Variants in DTNA observed in about 807,000 individuals in gnomAD.
The protein encoded by DTNA is dystrobrevin alpha.
In DTNA, 43 loss-of-function variants were observed where a neutral mutation model predicts 100.7. The observed-to-expected ratio is 0.43, with a 90% CI of 0.33 to 0.55. The LOEUF (loss-of-function observed/expected upper bound fraction) is 0.55. Ranked by LOEUF, DTNA falls within the 20% of genes least tolerant of loss-of-function variation. The probability of loss-of-function intolerance (pLI) is 0.04; values close to 1 mark genes in which losing one functional copy is unlikely to be tolerated. For synonymous variants in DTNA, 349 were observed against 347.9 expected (o/e 1.00, Z -0.04); for missense variants, 798 against 953.9 (o/e 0.84, Z 2.15).
At chr18:34,752,092 T>C (rs936585356) in intron 1 of DTNA, among the ~76,000 whole-genome samples, 2 of 152,196 alleles carry the variant, frequency 1.3e-5, no homozygotes, top group African/African-American at 2.4e-5. Flanking sequence ...TCTTGTAAAA[T>C]CTAAGGTTGT....
At chr18:34,516,304 A>G (rs866575246) in intron 1 of DTNA, among the ~76,000 whole-genome samples, 1 of 152,164 alleles carries the variant, frequency 6.6e-6, no homozygotes, top group Non-Finnish European at 1.5e-5. Context: ...CAGAGATCAC[A>G]TGCTTCGAGG....
At chr18:34,885,691 A>C (rs1378631953) in intron 22 of DTNA, among the ~76,000 whole-genome samples, 2 of 152,250 alleles carry the variant, frequency 1.3e-5, no homozygotes, top group African/African-American at 4.8e-5. Flanking sequence ...ACTGGGATGT[A>C]GTTTTTAAAG....
At chr18:34,860,041 T>TTTTG (rs368883033) in intron 16 of DTNA, among the ~76,000 whole-genome samples, 47 of 151,748 alleles carry the variant, frequency 3.1e-4, no homozygotes, top group Non-Finnish European at 5.3e-4. Context: ...TTCTTTTTGT[T>TTTTG]TTTGTTTGTT....
chr18:34,828,807 T>C (rs1030969143), intron 10 of DTNA, among the ~76,000 whole-genome samples: 6 of 152,198 alleles, frequency 3.9e-5, no homozygotes, highest in Non-Finnish European at 8.8e-5. Flanking sequence ...AGGCCCTCAG[T>C]AACTTCCTTT....
At chr18:34,623,226 C>G (rs556076756) in intron 1 of DTNA, among the ~76,000 whole-genome samples, 1 of 151,976 alleles carries the variant, frequency 6.6e-6, no homozygotes, top group African/African-American at 2.4e-5. Flanking sequence ...AAAAAAGGAA[C>G]AAAAATCTGA....
At chr18:34,535,432 T>G (rs1407867544) in intron 1 of DTNA, among the ~76,000 whole-genome samples, 2 of 152,122 alleles carry the variant, frequency 1.3e-5, no homozygotes, top group African/African-American at 4.8e-5. Context: ...TTTTCTCCCA[T>G]TCTGTAGGCT....
intron 1 of DTNA, among the ~76,000 whole-genome samples, chr18:34,715,546 G>A (rs896474523): frequency 2.6e-5 from 4 of 151,546 alleles, no homozygotes; most frequent in African/African-American, 9.7e-5. Context: ...TTGTTTGGTG[G>A]AACATTTACT....
intron 8 of DTNA, among the ~76,000 whole-genome samples, chr18:34,820,418 T>A (rs1021023013): frequency 2.6e-5 from 4 of 152,080 alleles, no homozygotes; most frequent in African/African-American, 9.7e-5. Context: ...ATATAAAGAT[T>A]TTGATGATCT....
chr18:34,578,934 C>A (rs1236738565), intron 1 of DTNA, among the ~76,000 whole-genome samples: 1 of 151,936 alleles, frequency 6.6e-6, no homozygotes, highest in Non-Finnish European at 1.5e-5. Flanking sequence ...TATTTGTATT[C>A]TATTTGTCAC....
chr18:34,885,774 G>A (rs1823007097), intron 22 of DTNA, among the ~76,000 whole-genome samples: 1 of 152,154 alleles, frequency 6.6e-6, no homozygotes. Flanking sequence ...TATGTTCAGT[G>A]CTTTATAGCA....
chr18:34,518,442 T>G (rs2041859157), intron 1 of DTNA, among the ~76,000 whole-genome samples: 1 of 152,156 alleles, frequency 6.6e-6, no homozygotes, highest in Non-Finnish European at 1.5e-5. Flanking sequence ...CATTTGATAA[T>G]AATCCATTTT....
chr18:34,678,626 G>C (rs2077681808), intron 1 of DTNA, among the ~76,000 whole-genome samples: 1 of 152,134 alleles, frequency 6.6e-6, no homozygotes, highest in Non-Finnish European at 1.5e-5. Flanking sequence ...TGTTCACAGG[G>C]AGAAGCAAGG....
intron 1 of DTNA, among the ~76,000 whole-genome samples, chr18:34,588,686 A>AGTGTGTGTGTGTGCGTGTGTGTGT (rs1555632822): frequency 6.7e-6 from 1 of 149,556 alleles, no homozygotes; most frequent in African/African-American, 2.5e-5. Flanking sequence ...TGAATATTAT[A>AGTGTGTGTGTGTGCGTGTGTGTGT]GTGTGTGTGT....
chr18:34,614,395 T>C (rs1018880810), intron 1 of DTNA, among the ~76,000 whole-genome samples: 1 of 152,204 alleles, frequency 6.6e-6, no homozygotes, highest in African/African-American at 2.4e-5. Flanking sequence ...TCTCATTATT[T>C]CAGAAATACA....
At chr18:34,715,029 G>A (rs1172902029) in intron 1 of DTNA, among the ~76,000 whole-genome samples, 2 of 148,926 alleles carry the variant, frequency 1.3e-5, no homozygotes, top group African/African-American at 2.5e-5. Context: ...GACACAGGAA[G>A]GGGAATATCA....
Position 34,882,183 on chromosome 18 carries a change from G to A in DTNA, c.2277G>A (p.Leu759=). Residue 759 remains leucine (L), a synonymous_variant, in exon 21 of 23, where the codon CTG becomes CTA. Coordinates refer to ENST00000444659, the MANE Select transcript of DTNA (RefSeq NM_001386795.1). The stretch of plus-strand genomic sequence containing the variant: ...TGGAGGAATACCTGAAACAGAAGCT[G>A]CAAGATGAAGCTTATCAGGTACAGG... ...LQMEEYLKQK[L]QDEAYQVSLQ... 6.2e-7 allele frequency: 1 copy of A among 1,613,930 alleles called. No homozygotes were observed. The highest frequency in any genetic ancestry group is 8.5e-7 in the Non-Finnish European group (1 of 1,179,930).
In DTNA at chr18:34,795,917, C is replaced by T. The variant is rs2094949313; in HGVS notation, c.362+1667C>T. On this transcript the variant is annotated intron_variant, in intron 4 of 22. Transcript: ENST00000444659. ...TTCTAAATATAGAGCTATGAACGGT[C>T]TCTAAATAGCTGCTGAAAATATAGC... Among the ~76,000 whole-genome samples, 5 of 152,254 alleles carry T rather than the reference C, an allele frequency of 3.3e-5. No homozygotes were observed. In the South Asian group the frequency reaches 1.0e-3, roughly 32 times the overall value.
intron 1 of DTNA, among the ~76,000 whole-genome samples, chr18:34,693,750 G>C (rs1403039610): frequency 8.6e-6 from 1 of 116,936 alleles, no homozygotes; most frequent in Non-Finnish European, 1.8e-5. Context: ...TGTGCACTGT[G>C]TGTGTGTGTG....
At chr18:34,782,133 C>A (rs1568501856) in intron 3 of DTNA, among the ~76,000 whole-genome samples, 1 of 152,244 alleles carries the variant, frequency 6.6e-6, no homozygotes, top group African/African-American at 2.4e-5. Context: ...TAATGCTGGG[C>A]ATCCAGTAGG....
Sources: gnomAD v4.1 joint callset for allele counts (sites outside exome capture counted in the v4.1 genomes callset) on GRCh38, gnomAD v4.1.1 for gene constraint, MANE v1.5 for transcripts, NCBI Gene and HGNC (gene_info 2026-07-23, HGNC 2026-07-21) for gene names.